Variants in AGBL1 observed in about 807,000 individuals in gnomAD.
The protein encoded by AGBL1 is cytosolic carboxypeptidase 4.
Under a neutral mutation model 118.9 loss-of-function variants are expected in AGBL1, and 130 were observed. That is an observed-to-expected ratio of 1.09 (90% confidence interval 0.95 to 1.26). The LOEUF is 1.26. AGBL1 is among the 50% of genes most tolerant of loss of function. The pLI is 0.00. For missense variants in AGBL1, 1,584 were observed against 1,298.1 expected (o/e 1.22, Z -3.38); for synonymous variants, 555 against 478.9 (o/e 1.16, Z -2.08).
intron 19 of AGBL1, among the ~76,000 whole-genome samples, chr15:86,538,213 C>G (rs1432495533): frequency 6.6e-6 from 1 of 152,118 alleles, no homozygotes; most frequent in Non-Finnish European, 1.5e-5. Context: ...TTTCTAAGGC[C>G]ATGTTGAAAC....
intron 21 of AGBL1, among the ~76,000 whole-genome samples, chr15:86,572,893 G>C (rs1329000715): frequency 1.3e-5 from 2 of 152,208 alleles, no homozygotes; most frequent in Admixed American, 1.3e-4. Flanking sequence ...GGCCAATGAC[G>C]GTTCAAGTCT....
At chr15:86,271,805 C>G (rs923805004) in intron 15 of AGBL1, 99 bp downstream of exon 15, 1 of 1,169,238 alleles carries the variant, frequency 8.6e-7, no homozygotes, top group East Asian at 2.4e-5. Context: ...GCAATCTGTG[C>G]TTGTCTGCTA....
Position 86,108,732 on chromosome 15 carries a change from G to A in AGBL1, c.51+28709G>A, listed in dbSNP as rs554868192. On this transcript the variant is annotated intron_variant, in intron 1 of 22. Coordinates refer to ENST00000614907, the MANE Select transcript of AGBL1 (RefSeq NM_001386094.1). Reference sequence around the variant, plus strand: ...CCAGCACTTTGGGAGGCCGAGACGGGCGGATCACGAGGTCAAGAGATCGAA... The same window carrying A: ...CCAGCACTTTGGGAGGCCGAGACGGACGGATCACGAGGTCAAGAGATCGAA... Among the ~76,000 whole-genome samples, 445 of 152,328 alleles carry A rather than the reference G, an allele frequency of 2.9e-3. 15 individuals carry two copies. The South Asian group carries it at 0.066, about 23-fold the overall frequency.
At chr15:86,948,654 A>G (rs553581459) in intron 23 of AGBL1, among the ~76,000 whole-genome samples, 1 of 152,364 alleles carries the variant, frequency 6.6e-6, no homozygotes, top group South Asian at 2.1e-4. Flanking sequence ...CAAAGTAAAT[A>G]TTTAATTGCC....
intron 22 of AGBL1, among the ~76,000 whole-genome samples, chr15:86,889,975 G>A (rs2080027899): frequency 6.6e-6 from 1 of 152,182 alleles, no homozygotes; most frequent in African/African-American, 2.4e-5. Flanking sequence ...CACCCACACT[G>A]TCTTCCACAA....
At chr15:86,133,226 G>A (rs758797329) in intron 1 of AGBL1, among the ~76,000 whole-genome samples, 1 of 151,992 alleles carries the variant, frequency 6.6e-6, no homozygotes, top group Non-Finnish European at 1.5e-5. Flanking sequence ...CTGTGCCTCA[G>A]CCTCACTAGC....
At chr15:86,588,310 A>G (rs8039069) in intron 21 of AGBL1, among the ~76,000 whole-genome samples, 18,921 of 152,100 alleles carry the variant, frequency 0.12, 2,438 homozygotes, top group African/African-American at 0.33. Context: ...CTTATCAAAG[A>G]CCCTCTTACA....
intron 17 of AGBL1, among the ~76,000 whole-genome samples, chr15:86,373,668 GC>G (rs769857481): frequency 4.6e-5 from 7 of 152,114 alleles, no homozygotes; most frequent in Non-Finnish European, 8.8e-5. Flanking sequence ...AAGGTCAAGA[GC>G]CCCTTGGACA....
intron 17 of AGBL1, among the ~76,000 whole-genome samples, chr15:86,311,328 A>G (rs146344965): frequency 6.6e-6 from 1 of 152,164 alleles, no homozygotes. Flanking sequence ...TCTACTTTAC[A>G]TGCTACTTTC....
intron 18 of AGBL1, among the ~76,000 whole-genome samples, chr15:86,461,166 A>C (rs1267766826): frequency 1.3e-5 from 2 of 152,098 alleles, no homozygotes; most frequent in Non-Finnish European, 2.9e-5. Flanking sequence ...CAGGGACTTT[A>C]AAGGCCCCAG....
rs189709371 is a variant in AGBL1, at chr15:86,085,403, G to A, written c.51+5380G>A. Among the ~76,000 whole-genome samples, 34 of 152,290 alleles carry A rather than the reference G, an allele frequency of 2.2e-4. 1 individual carries two copies. Among genetic ancestry groups the A allele is most frequent in the Admixed American group, 1.4e-3 (21 of 15,296 alleles). On this transcript the variant is annotated intron_variant, in intron 1 of 22. Coordinates refer to ENST00000614907, the MANE Select transcript of AGBL1 (RefSeq NM_001386094.1). ...GATGGAAGTTTGGCCAAATGCTGGA[G>A]GGTCTTGAGTGGCAAGCTTCAGGTC...
intron 22 of AGBL1, among the ~76,000 whole-genome samples, chr15:86,741,410 A>AAAAAAAAAAAAAAAAAAAAAT (rs2077677354): frequency 7.2e-6 from 1 of 138,678 alleles, no homozygotes; most frequent in Non-Finnish European, 1.6e-5. Context: ...AAAAAAAAAA[A>AAAAAAAAAAAAAAAAAAAAAT]AAAAAAAAAA....
At chr15:86,814,675 T>G (rs950830271) in intron 22 of AGBL1, among the ~76,000 whole-genome samples, 2 of 152,190 alleles carry the variant, frequency 1.3e-5, no homozygotes, top group African/African-American at 2.4e-5. Context: ...TTATCATGGT[T>G]AATGCTCTGG....
chr15:86,217,944 C>T (rs1193638297), intron 5 of AGBL1, among the ~76,000 whole-genome samples: 1 of 152,172 alleles, frequency 6.6e-6, no homozygotes, highest in Admixed American at 6.5e-5. Flanking sequence ...GACTGGAGAA[C>T]AGCTTGAAGG....
intron 5 of AGBL1, among the ~76,000 whole-genome samples, chr15:86,199,548 A>G (rs1188757081): frequency 6.6e-6 from 1 of 152,202 alleles, no homozygotes; most frequent in Non-Finnish European, 1.5e-5. Context: ...CGTGCACCTG[A>G]AGTGCTAACT....
At chr15:86,163,794 G>T (rs758563166) in intron 5 of AGBL1, among the ~76,000 whole-genome samples, 6 of 152,090 alleles carry the variant, frequency 3.9e-5, no homozygotes, top group Non-Finnish European at 5.9e-5. Flanking sequence ...AAAATTATTG[G>T]TGAATTTCCT....
rs1010632776 is a variant in AGBL1, at chr15:86,913,395, A to G, written c.*6101A>G. 6.6e-6 allele frequency: 1 copy of G among 152,244 alleles called. No individual in the cohort carries two copies. 9.4% of individuals were successfully genotyped at this position (152,244 alleles called of 1,614,324 possible). ...CAGAAGACGGGACTCATCTCTCATT[A>G]GCATGTGACATAAACTGTACTTGAA... is the stretch of plus-strand genomic sequence containing the variant. On this transcript the variant is annotated 3_prime_UTR_variant, in exon 23 of 23. Transcript: ENST00000614907.
chr15:86,419,764 C>T (rs1398524690), intron 18 of AGBL1, among the ~76,000 whole-genome samples: 1 of 152,128 alleles, frequency 6.6e-6, no homozygotes, highest in Non-Finnish European at 1.5e-5. Flanking sequence ...CTGGGATGCT[C>T]TAGCTTTGTT....
At chr15:86,312,994 G>C (rs2079943036) in intron 17 of AGBL1, among the ~76,000 whole-genome samples, 1 of 152,230 alleles carries the variant, frequency 6.6e-6, no homozygotes, top group South Asian at 2.1e-4. Context: ...TGTAAATAAT[G>C]AGTGATTCTA....
Sources: gnomAD v4.1 joint callset for allele counts (sites outside exome capture counted in the v4.1 genomes callset) on GRCh38, gnomAD v4.1.1 for gene constraint, MANE v1.5 for transcripts, NCBI Gene and HGNC (gene_info 2026-07-23, HGNC 2026-07-21) for gene names.